SPIRE1: variants seen among roughly 807,000 people sequenced by gnomAD.
SPIRE1 encodes the protein spire type actin nucleation factor 1, also known as protein spire homolog 1.
SPIRE1 carries 40 observed loss-of-function variants against 94.1 expected under a neutral mutation model. The ratio of observed to expected loss-of-function variants is 0.43; its 90% CI spans 0.33 to 0.55. The LOEUF (loss-of-function observed/expected upper bound fraction) is 0.55, where lower values mean the gene tolerates loss of function less well. Among genes scored for constraint, SPIRE1 ranks in the 20% least tolerant of loss-of-function variants. SPIRE1 has a pLI of 0.06. For synonymous variants in SPIRE1, 376 were observed against 371.7 expected (o/e 1.01, Z -0.13); for missense variants, 838 against 975.2 (o/e 0.86, Z 1.87).
At chr18:12,533,559 T>C (rs909594302) in intron 4 of SPIRE1, among the ~76,000 whole-genome samples, 1 of 152,192 alleles carries the variant, frequency 6.6e-6, no homozygotes, top group Non-Finnish European at 1.5e-5. Context: ...CTCACTGCAG[T>C]AGAGTAGTAA....
intron 2 of SPIRE1, among the ~76,000 whole-genome samples, chr18:12,611,066 A>C (rs1161398423): frequency 6.6e-6 from 1 of 152,142 alleles, no homozygotes; most frequent in Non-Finnish European, 1.5e-5. Context: ...CTGCATCAAT[A>C]ATTTTCCCTT....
chr18:12,495,950 GAC>G (rs71172092), intron 7 of SPIRE1, 64 bp downstream of exon 7: 150,062 of 1,232,162 alleles, frequency 0.12, 10,421 homozygotes, highest in Middle Eastern at 0.17. Flanking sequence ...TTCTAGAGAT[GAC>G]ACCCTAGAGT....
At chr18:12,508,410 C>T (rs1007598855) in intron 5 of SPIRE1, among the ~76,000 whole-genome samples, 10 of 152,118 alleles carry the variant, frequency 6.6e-5, no homozygotes, top group African/African-American at 2.4e-4. Context: ...CCATTAGATG[C>T]CTCCTAAAAT....
At chr18:12,466,835 A>G (rs1212857695) in intron 10 of SPIRE1, among the ~76,000 whole-genome samples, 2 of 152,204 alleles carry the variant, frequency 1.3e-5, no homozygotes, top group East Asian at 3.8e-4. Flanking sequence ...AGCCCAGCAT[A>G]AAGTAACTTT....
chr18:12,593,808 C>T (rs866884659), intron 2 of SPIRE1, among the ~76,000 whole-genome samples: 10 of 152,036 alleles, frequency 6.6e-5, no homozygotes, highest in Non-Finnish European at 1.3e-4. Flanking sequence ...AAAAATTAGC[C>T]GGGTGTGGTG....
chr18:12,548,294 G>A (rs2035231417), intron 2 of SPIRE1, among the ~76,000 whole-genome samples: 1 of 152,080 alleles, frequency 6.6e-6, no homozygotes, highest in Non-Finnish European at 1.5e-5. Context: ...TTAAAAAAGT[G>A]CATCACAAAT....
intron 2 of SPIRE1, among the ~76,000 whole-genome samples, chr18:12,555,761 C>T (rs1190361461): frequency 1.3e-5 from 2 of 152,100 alleles, no homozygotes; most frequent in East Asian, 1.9e-4. Context: ...ATCAGGAACA[C>T]GATAAGGATG....
At chr18:12,538,712 AT>A (rs2034916491) in intron 3 of SPIRE1, among the ~76,000 whole-genome samples, 1 of 152,076 alleles carries the variant, frequency 6.6e-6, no homozygotes, top group Non-Finnish European at 1.5e-5. Context: ...GGGTCTTGCT[AT>A]GTTGCCCAAG....
At chr18:12,565,831 C>T (rs966071141) in intron 2 of SPIRE1, among the ~76,000 whole-genome samples, 74 of 150,592 alleles carry the variant, frequency 4.9e-4, no homozygotes, top group Non-Finnish European at 2.1e-4. Flanking sequence ...GTCAGAAGTA[C>T]GAGACCAGCC....
Position 12,626,886 on chromosome 18 carries a change from A to ATATTT in SPIRE1, c.372+8175_372+8176insAAATA, listed in dbSNP as rs55915333. 4.8e-3 allele frequency among the ~76,000 whole-genome samples: 541 copies of ATATTT among 111,880 alleles called. 6 individuals carry two copies. Among genetic ancestry groups the ATATTT allele is most frequent in the Middle Eastern group, 0.017 (2 of 120 alleles). 73.4% of individuals were successfully genotyped at this position (111,880 alleles called of 152,430 possible). A position where few individuals can be genotyped will look rare whatever the true frequency, so the allele number is the denominator to read the frequency against. On this transcript the variant is annotated intron_variant, in intron 2 of 16. Transcript: ENST00000409402. ...CTGTAAAATATATATATATATATAT[A>ATATTT]TTTTTTTTTTTTTTTTGCCCAGAGG...
At chr18:12,476,841 T>C (rs1211504970) in intron 10 of SPIRE1, among the ~76,000 whole-genome samples, 2 of 152,092 alleles carry the variant, frequency 1.3e-5, no homozygotes, top group African/African-American at 4.8e-5. Context: ...TTGTCTAAGA[T>C]CATTCACTCT....
chr18:12,524,202 A>T (rs2034439150), intron 4 of SPIRE1, among the ~76,000 whole-genome samples: 1 of 152,234 alleles, frequency 6.6e-6, no homozygotes. Flanking sequence ...AAAATTCATA[A>T]GCCATGCTTA....
upstream of SPIRE1, among the ~76,000 whole-genome samples, chr18:12,660,019 C>T (rs1195936095): frequency 6.6e-6 from 1 of 152,180 alleles, no homozygotes; most frequent in Non-Finnish European, 1.5e-5. Flanking sequence ...TGAAGGTCTA[C>T]TTTTATGGAC....
At chr18:12,643,089 GATAA>G (rs1230958554) in intron 1 of SPIRE1, among the ~76,000 whole-genome samples, 1 of 151,386 alleles carries the variant, frequency 6.6e-6, no homozygotes, top group African/African-American at 2.4e-5. Context: ...TGTAGTAAAG[GATAA>G]ATAGCTAAAA....
chr18:12,475,527 G>C (rs567298779), intron 10 of SPIRE1, among the ~76,000 whole-genome samples: 1 of 152,178 alleles, frequency 6.6e-6, no homozygotes, highest in African/African-American at 2.4e-5. Flanking sequence ...AAAAAAAGAA[G>C]TTGGTGAAAA....
chr18:12,600,230 C>A (rs1440924667), intron 2 of SPIRE1, among the ~76,000 whole-genome samples: 2 of 152,026 alleles, frequency 1.3e-5, no homozygotes, highest in South Asian at 2.1e-4. Context: ...CCAGCTGACA[C>A]CTGAATTAGA....
intron 9 of SPIRE1, 69 bp from the exon 10 acceptor site, chr18:12,479,940 G>A (rs1481171477): frequency 2.1e-5 from 30 of 1,441,722 alleles, no homozygotes; most frequent in Non-Finnish European, 2.5e-5. Flanking sequence ...AGCATACCAG[G>A]TAACAGAGCA....
At chr18:12,575,589 G>A (rs1275350461) in intron 2 of SPIRE1, among the ~76,000 whole-genome samples, 1 of 152,096 alleles carries the variant, frequency 6.6e-6, no homozygotes, top group Non-Finnish European at 1.5e-5. Context: ...CCAAAGTGCT[G>A]GGATTACAGG....
intron 10 of SPIRE1, among the ~76,000 whole-genome samples, chr18:12,467,813 G>C (rs1304442333): frequency 6.6e-6 from 1 of 152,204 alleles, no homozygotes; most frequent in Non-Finnish European, 1.5e-5. Flanking sequence ...GCTGGGTGTG[G>C]TGGCATGTGC....
Sources: allele counts gnomAD v4.1 joint callset (sites outside exome capture counted in the v4.1 genomes callset), GRCh38; gene constraint gnomAD v4.1.1; transcripts MANE v1.5; gene names NCBI Gene and HGNC (gene_info 2026-07-23, HGNC 2026-07-21).